E2F8: variants seen among roughly 807,000 people sequenced by gnomAD.
The protein encoded by E2F8 is transcription factor E2F8.
Under a neutral mutation model 80.8 loss-of-function variants are expected in E2F8, and 35 were observed. That is an observed-to-expected ratio of 0.43 (90% CI 0.33 to 0.57). The LOEUF (loss-of-function observed/expected upper bound fraction) is 0.57. E2F8 is among the 20% of genes least tolerant of loss of function. The pLI, the probability that E2F8 is intolerant of heterozygous loss-of-function variation, is 0.04. For missense variants in E2F8, 975 were observed against 1,056.2 expected (o/e 0.92, Z 1.07); for synonymous variants, 386 against 395.0 (o/e 0.98, Z 0.27).
rs1023297637 is a variant in E2F8, at chr11:19,226,071, C to T, written c.1894-207G>A. On this transcript the variant is annotated intron_variant, in intron 10 of 12. Transcript: ENST00000250024. ...AATGCTTGCCCCGAATAATGCAGAA[C>T]ATGTTTCTTAAATGCCACCTGTGGT... The T allele has an allele frequency of 4.4e-5, 25 of 568,822 alleles. No homozygotes were observed. The East Asian group carries it at 6.9e-4, about 16-fold the overall frequency. The allele number at this position is 568,822 out of a possible 1,614,324, so 35.2% of individuals were successfully genotyped here. A position where few individuals can be genotyped will look rare whatever the true frequency, so the allele number is the denominator to read the frequency against.
In E2F8 at chr11:19,231,864, C is replaced by G. The variant is rs1851391783; in HGVS notation, c.1066+370G>C. Reference sequence around the variant, plus strand: ...ATTCATCTTGAATCATCTTTTCAATCATATATATCTTTTCCATGTGGGGCG... The same window carrying G: ...ATTCATCTTGAATCATCTTTTCAATGATATATATCTTTTCCATGTGGGGCG... On this transcript the variant is annotated intron_variant, in intron 7 of 12. Coordinates refer to ENST00000250024, the MANE Select transcript of E2F8 (RefSeq NM_024680.4). Among the ~76,000 whole-genome samples the G allele has an allele frequency of 2.0e-5, 3 of 152,158 alleles. No homozygotes were observed. In the South Asian group the frequency reaches 6.2e-4, roughly 32 times the overall value.
At position 19,230,664 on chromosome 11, in the gene E2F8, A is replaced by T; in HGVS notation, c.1237T>A (p.Ser413Thr). Residue 413 changes from serine to threonine, a missense_variant, in exon 8 of 13, where the codon TCT (serine) becomes ACT (threonine). Coordinates refer to ENST00000250024, the MANE Select transcript of E2F8 (RefSeq NM_024680.4). The stretch of plus-strand genomic sequence containing the variant: ...GTCTTGATAGGGCTACTGGGCGCAG[A>T]ATTTATCTTTCTCCGATCACTTTCT... ...SIESDRRKIN[S>T]APSSPIKTNK... 1 of 1,614,178 alleles carries T rather than the reference A, an allele frequency of 6.2e-7. No individual in the cohort carries two copies. The highest frequency in any genetic ancestry group is 8.5e-7 in the Non-Finnish European group (1 of 1,180,038).
intron 10 of E2F8, among the ~76,000 whole-genome samples, chr11:19,226,738 G>A (rs1851247700): frequency 6.6e-6 from 1 of 152,158 alleles, no homozygotes; most frequent in African/African-American, 2.4e-5. Flanking sequence ...TTTAAAGAAC[G>A]TTTGCTGGCC....
At chr11:19,240,367 G>A (rs1032895668) in intron 1 of E2F8, 137 bp from the exon 2 acceptor site, 18 of 300,218 alleles carry the variant, frequency 6.0e-5, no homozygotes, top group African/African-American at 3.9e-4. Context: ...TTTTATTCTC[G>A]ACCAGAGATC....
rs533948021 is a variant in E2F8, at chr11:19,232,281, T to G, written c.1019A>C (p.Lys340Thr). 1 of 1,614,224 alleles carries G rather than the reference T, an allele frequency of 6.2e-7. No individual in the cohort carries two copies. Among genetic ancestry groups the G allele is most frequent in the Non-Finnish European group, 8.5e-7 (1 of 1,180,046 alleles). Residue 340 changes from lysine to threonine, a missense_variant, in exon 7 of 13, where the codon AAA (lysine) becomes ACA (threonine). Physicochemically the swap from Lys to Thr is moderately conservative, Grantham distance 78. Coordinates refer to ENST00000250024, the MANE Select transcript of E2F8 (RefSeq NM_024680.4). ...KVHVTEERGR[K>T]PAFKWTGPEI... ...TGGGCCGGTCCATTTGAAAGCTGGT[T>G]TTCGGCCTCTTTCCTCTGTAACATG...
rs1352307337 is a variant in E2F8 at position 19,229,466 on chromosome 11, T to C, written c.1881A>G (p.Glu627=). The change falls in exon 10 of 13, where the codon GAA becomes GAG. Residue 627 remains glutamate (E), a synonymous_variant. Coordinates refer to ENST00000250024, the MANE Select transcript of E2F8 (RefSeq NM_024680.4). The surrounding 1 kb of genome is among the most constrained non-coding windows in gnomAD (Gnocchi z 4.3). The part of the protein sequence containing the change: ...KKFKEDLKGL[E]NVSATLFPSG... ...AGGCTGTACTTACTGCGGAGACATT[T>C]TCAAGTCCTTTTAGGTCCTCTTTAA... The C allele has an allele frequency of 6.2e-7, 1 of 1,613,080 alleles. No individual in the cohort carries two copies. The highest frequency in any genetic ancestry group is 1.3e-5 in the African/African-American group (1 of 74,796).
rs12273001 is a variant in E2F8, at chr11:19,229,742, C to T, written c.1605G>A (p.Thr535=). 1.4e-5 allele frequency: 22 copies of T among 1,613,932 alleles called. No homozygotes were observed. The highest frequency in any genetic ancestry group is 1.7e-5 in the Admixed American group (1 of 60,000). The change falls in exon 10 of 13, where the codon ACG becomes ACA. Residue 535 remains threonine, a synonymous_variant. Transcript: ENST00000250024. The surrounding 1 kb of genome is among the most constrained non-coding windows in gnomAD (Gnocchi z 4.3). ...CCGTTGGGCTCAGGCCTTGGGGTGGCGTCACACTTTGGTGGGCTTGAGTGG... is the reference window on the plus strand; with the variant it reads ...CCGTTGGGCTCAGGCCTTGGGGTGGTGTCACACTTTGGTGGGCTTGAGTGG... ...LQPTQAHQSV[T]PPQGLSPTVC...
intron 2 of E2F8, among the ~76,000 whole-genome samples, chr11:19,239,775 T>C (rs1851612729): frequency 6.6e-6 from 1 of 151,142 alleles, no homozygotes; most frequent in Non-Finnish European, 1.5e-5. Flanking sequence ...GAAAAGGTAT[T>C]TTTAAGAATA....
At chr11:19,226,029 ACCCTCCCACCCTT>A in intron 10 of E2F8, 165 bp from the exon 11 acceptor site, 1 of 704,286 alleles carries the variant, frequency 1.4e-6, no homozygotes. Flanking sequence ...AGAGGAGAAT[ACCCTCCCACCCTT>A]CCCAATGCTT....
chr11:19,230,547 A>G, intron 8 of E2F8, 84 bp downstream of exon 8: 2 of 1,447,114 alleles, frequency 1.4e-6, no homozygotes, highest in Non-Finnish European at 1.9e-6. Flanking sequence ...TTCTCTGACA[A>G]CTATTGCAAG....
At position 19,224,286 on chromosome 11, in the gene E2F8, G is replaced by GTGT. The variant is rs1851168905; in HGVS notation, c.*369_*371dup. On this transcript the variant is annotated 3_prime_UTR_variant, in exon 13 of 13. Transcript: ENST00000250024. Reference sequence around the variant, plus strand: ...TGTGCAAAATGTTTAAGGGAATGCTGTGTTAGGCATGTCAAGCATATTTGC... The same window carrying GTGT: ...TGTGCAAAATGTTTAAGGGAATGCTGTGTTGTTAGGCATGTCAAGCATATTTGC... 1 of 161,824 alleles carries GTGT rather than the reference G, an allele frequency of 6.2e-6. No individual in the cohort carries two copies. The highest frequency in any genetic ancestry group is 6.1e-5 in the Admixed American group (1 of 16,322). 10.0% of individuals were successfully genotyped at this position (161,824 alleles called of 1,614,324 possible).
chr11:19,230,492 T>G, intron 8 of E2F8, 139 bp downstream of exon 8: 2 of 1,196,618 alleles, frequency 1.7e-6, no homozygotes, highest in South Asian at 3.0e-5. Flanking sequence ...AATTTATACA[T>G]TAGTTAGGCT....
rs1554970934 is a variant in E2F8, at chr11:19,224,497, G to GTATATA, written c.*155_*160dup. On this transcript the variant is annotated 3_prime_UTR_variant, in exon 13 of 13. Transcript: ENST00000250024. ...TGTGTGTGTGTGTGTGTGTGTGTGT[G>GTATATA]TATATATATATATGTATGAAAACAA... 24 of 399,582 alleles carry GTATATA rather than the reference G, an allele frequency of 6.0e-5. No homozygotes were observed. The highest frequency in any genetic ancestry group is 2.3e-4 in the African/African-American group (11 of 48,130). The allele number at this position is 399,582 out of a possible 1,614,324, so 24.8% of individuals were successfully genotyped here. A position where few individuals can be genotyped will look rare whatever the true frequency, so the allele number is the denominator to read the frequency against.
chr11:19,226,093 T>C (rs978965271), intron 10 of E2F8: 3 of 529,402 alleles, frequency 5.7e-6, no homozygotes, highest in Middle Eastern at 5.0e-4. Context: ...ATGCCACCTG[T>C]GGTCTTAGGA....
At chr11:19,226,045 C>T (rs1851229114) in intron 10 of E2F8, 181 bp from the exon 11 acceptor site, 1 of 625,898 alleles carries the variant, frequency 1.6e-6, no homozygotes, top group Non-Finnish European at 2.8e-6. Context: ...CCACCCTTCC[C>T]AATGCTTGCC....
At chr11:19,231,068 G>A (rs535368190) in intron 7 of E2F8, among the ~76,000 whole-genome samples, 1 of 152,308 alleles carries the variant, frequency 6.6e-6, no homozygotes, top group South Asian at 2.1e-4. Context: ...ATAACCAGTG[G>A]TGTGCTAGAG....
At chr11:19,241,118 C>T (rs1851652552), upstream of E2F8, among the ~76,000 whole-genome samples, 1 of 152,264 alleles carries the variant, frequency 6.6e-6, no homozygotes, top group African/African-American at 2.4e-5. The surrounding 1 kb of genome is among the most constrained non-coding windows in gnomAD (Gnocchi z 4.5). Flanking sequence ...CGGGGCCGGA[C>T]CTTCCGCCTT....
In E2F8 at chr11:19,232,375, G is replaced by T; in HGVS notation, c.929-4C>A. ...TCATACAACCTCCTAATTTTTGCTG[G>T]GAAAAAAAGTATATATACCACTTAA... On this transcript the variant is annotated splice_region_variant and splice_polypyrimidine_tract_variant and intron_variant, in intron 6 of 12. Transcript: ENST00000250024. 1 of 1,603,610 alleles carries T rather than the reference G, an allele frequency of 6.2e-7. No individual in the cohort carries two copies. Among genetic ancestry groups the T allele is most frequent in the Non-Finnish European group, 8.5e-7 (1 of 1,176,634 alleles).
At chr11:19,231,967 G>A (rs750780348) in intron 7 of E2F8, among the ~76,000 whole-genome samples, 1 of 152,126 alleles carries the variant, frequency 6.6e-6, no homozygotes, top group Non-Finnish European at 1.5e-5. Flanking sequence ...AGAAAATGTG[G>A]TACATATACA....
Sources: gnomAD v4.1 joint callset for allele counts (sites outside exome capture counted in the v4.1 genomes callset) on GRCh38, gnomAD v4.1.1 for gene constraint, Gnocchi (gnomAD v3.1) non-coding constraint, MANE v1.5 for transcripts, NCBI Gene and HGNC (gene_info 2026-07-23, HGNC 2026-07-21) for gene names.